The following RBPMS variants were observed in gnomAD, a reference collection of about 807,000 sequenced individuals.
RBPMS encodes RNA binding protein, mRNA processing factor, also known as RNA-binding protein with multiple splicing.
Under a neutral mutation model 26.8 loss-of-function variants are expected in RBPMS, and 7 were observed. That is an observed-to-expected ratio of 0.26 (90% CI 0.15 to 0.49). The LOEUF (loss-of-function observed/expected upper bound fraction) is 0.49, where lower values mean the gene tolerates loss of function less well. Among genes scored for constraint, RBPMS ranks in the 20% least tolerant of loss-of-function variants. The probability of loss-of-function intolerance (pLI) is 0.98; values close to 1 mark genes in which losing one functional copy is unlikely to be tolerated. For missense variants in RBPMS, 186 were observed against 250.0 expected (o/e 0.74, Z 1.73); for synonymous variants, 96 against 93.3 (o/e 1.03, Z -0.17).
At chr8:30,446,359 T>A (rs1048772846) in intron 1 of RBPMS, among the ~76,000 whole-genome samples, 6 of 152,216 alleles carry the variant, frequency 3.9e-5, no homozygotes, top group Non-Finnish European at 7.3e-5. Context: ...GGCTGTTCTG[T>A]TTCAAACTTG....
At chr8:30,511,650 CAT>C (rs547155930) in intron 5 of RBPMS, among the ~76,000 whole-genome samples, 1 of 148,246 alleles carries the variant, frequency 6.7e-6, no homozygotes. Flanking sequence ...TATAGATACA[CAT>C]ATATATATAC....
At chr8:30,527,710 G>A (rs1162110545) in intron 5 of RBPMS, among the ~76,000 whole-genome samples, 1 of 152,078 alleles carries the variant, frequency 6.6e-6, no homozygotes, top group East Asian at 1.9e-4. Flanking sequence ...AGGGGATCCA[G>A]CATGAAAAAA....
At chr8:30,567,166 A>G (rs10099127) in intron 8 of RBPMS, among the ~76,000 whole-genome samples, 5,331 of 152,256 alleles carry the variant, frequency 0.035, 314 homozygotes, top group African/African-American at 0.12. Flanking sequence ...GGGCCTATGA[A>G]AAAAGAGGAG....
chr8:30,545,562 G>A (rs959910011), intron 6 of RBPMS: 20 of 508,058 alleles, frequency 3.9e-5, no homozygotes, highest in African/African-American at 2.3e-4. Flanking sequence ...CAGAGTTTTC[G>A]TTTGCCTGTT....
At chr8:30,494,564 G>A (rs577061583) in intron 4 of RBPMS, among the ~76,000 whole-genome samples, 1 of 152,346 alleles carries the variant, frequency 6.6e-6, no homozygotes, top group Admixed American at 6.5e-5. Context: ...TACTGGAGTA[G>A]TATTTGAATC....
intron 5 of RBPMS, among the ~76,000 whole-genome samples, chr8:30,517,952 T>A (rs1428556189): frequency 6.6e-6 from 1 of 152,160 alleles, no homozygotes; most frequent in Non-Finnish European, 1.5e-5. Context: ...GAGCTCATGA[T>A]CCAGTGCAGC....
In RBPMS at chr8:30,519,458, CTTTTTTTTTTTTTTTTTTTTTTTTTTT is replaced by C. The variant is rs36017963; in HGVS notation, c.397+15038_397+15064del. ...TCACCCTACGTGGGAGGATCTCTCT[CTTTTTTTTTTTTTTTTTTTTTTTTTTT>C]TTTTTTTTTTTTTTTGGAGACGGAG... On this transcript the variant is annotated intron_variant, in intron 5 of 8. Transcript: ENST00000397323. Among the ~76,000 whole-genome samples, 167 of 89,494 alleles carry C rather than the reference CTTTTTTTTTTTTTTTTTTTTTTTTTTT, an allele frequency of 1.9e-3. 4 individuals are homozygous for C. The Middle Eastern group carries it at 0.022, about 12-fold the overall frequency. The allele number at this position is 89,494 out of a possible 152,430, so 58.7% of individuals were successfully genotyped here. A position where few individuals can be genotyped will look rare whatever the true frequency, so the allele number is the denominator to read the frequency against.
intron 4 of RBPMS, among the ~76,000 whole-genome samples, chr8:30,490,270 C>G (rs1271232328): frequency 6.6e-6 from 1 of 152,184 alleles, no homozygotes; most frequent in Non-Finnish European, 1.5e-5. Flanking sequence ...CCTTAATATT[C>G]TCAAGCCTAT....
At chr8:30,460,639 A>G (rs971490941) in intron 1 of RBPMS, among the ~76,000 whole-genome samples, 3 of 152,238 alleles carry the variant, frequency 2.0e-5, no homozygotes, top group Admixed American at 6.5e-5. Flanking sequence ...GACTATAGCT[A>G]AGATTTCTTA....
intron 4 of RBPMS, 93 bp downstream of exon 4, chr8:30,479,470 A>G (rs1818048546): frequency 2.2e-6 from 2 of 905,856 alleles, no homozygotes; most frequent in African/African-American, 1.7e-5. Flanking sequence ...TGGAAAGAAT[A>G]TGACTGCACA....
At chr8:30,487,128 T>C (rs1054461526) in intron 4 of RBPMS, among the ~76,000 whole-genome samples, 3 of 152,248 alleles carry the variant, frequency 2.0e-5, no homozygotes, top group African/African-American at 7.2e-5. Context: ...AAGCCAGTTT[T>C]AGAACCAAGA....
At chr8:30,446,834 TGTGTGTGTGCGCGCGCGC>T (rs1813867015) in intron 1 of RBPMS, 1 of 101,966 alleles carries the variant, frequency 9.8e-6, no homozygotes, top group Non-Finnish European at 1.9e-5. Flanking sequence ...TGTGTGTGTG[TGTGTGTGTGCGCGCGCGC>T]GCGCGCGGTG....
At chr8:30,385,218 G>C in intron 1 of RBPMS, 60 bp downstream of exon 1, 1 of 1,266,294 alleles carries the variant, frequency 7.9e-7, no homozygotes, top group Non-Finnish European at 1.0e-6. Flanking sequence ...GGCGGCCGGC[G>C]GGGCGCGGGC....
chr8:30,448,656 G>C (rs1005364672), intron 1 of RBPMS, among the ~76,000 whole-genome samples: 1 of 152,184 alleles, frequency 6.6e-6, no homozygotes, highest in Non-Finnish European at 1.5e-5. Flanking sequence ...ACAGCTCTTG[G>C]ACCCAGGACT....
chr8:30,437,340 C>T (rs1437390256), intron 1 of RBPMS, among the ~76,000 whole-genome samples: 1 of 151,982 alleles, frequency 6.6e-6, no homozygotes, highest in African/African-American at 2.4e-5. Context: ...TTGTATTGAA[C>T]TCTTTGAAGG....
rs1047201384 is a variant in RBPMS, at chr8:30,429,702, G to A, written c.66+44544G>A. Among the ~76,000 whole-genome samples the A allele has an allele frequency of 2.0e-5, 3 of 152,156 alleles. No homozygotes were observed. The East Asian group carries it at 5.8e-4, about 29-fold the overall frequency. Reference sequence around the variant, plus strand: ...TTTCCTTTCATGTTTTGGCTTCTTGGTGTCTACATAGTTTCTAAGATAGCA... The same window carrying A: ...TTTCCTTTCATGTTTTGGCTTCTTGATGTCTACATAGTTTCTAAGATAGCA... On this transcript the variant is annotated intron_variant, in intron 1 of 8. Coordinates refer to ENST00000397323, the MANE Select transcript of RBPMS (RefSeq NM_001008710.3).
chr8:30,435,024 C>T (rs923516046), intron 1 of RBPMS, among the ~76,000 whole-genome samples: 1 of 152,110 alleles, frequency 6.6e-6, no homozygotes, highest in East Asian at 1.9e-4. Context: ...ATCCATCCAT[C>T]CATCCATCCA....
At chr8:30,531,714 A>T (rs186090483) in intron 5 of RBPMS, among the ~76,000 whole-genome samples, 1 of 152,250 alleles carries the variant, frequency 6.6e-6, no homozygotes, top group East Asian at 1.9e-4. Flanking sequence ...CAGTGTGACT[A>T]TTAACCTCCT....
chr8:30,431,964 A>T (rs572389607), intron 1 of RBPMS, among the ~76,000 whole-genome samples: 1 of 151,618 alleles, frequency 6.6e-6, no homozygotes, highest in Non-Finnish European at 1.5e-5. Context: ...TTACAAAAAC[A>T]TTAAAAAAAA....
Sources: gnomAD v4.1 joint callset for allele counts (sites outside exome capture counted in the v4.1 genomes callset) on GRCh38, gnomAD v4.1.1 for gene constraint, MANE v1.5 for transcripts, NCBI Gene and HGNC (gene_info 2026-07-23, HGNC 2026-07-21) for gene names.